Variants in GAPVD1 observed in about 807,000 individuals in gnomAD.
The protein encoded by GAPVD1 is GTPase activating protein and VPS9 domains 1, also known as GTPase-activating protein and VPS9 domain-containing protein 1.
A neutral mutation model predicts 155.5 loss-of-function variants in GAPVD1; 35 were observed. That is an observed-to-expected ratio of 0.23 (90% CI 0.17 to 0.30). GAPVD1 has a LOEUF of 0.30. GAPVD1 is among the 10% of genes least tolerant of loss of function. GAPVD1 has a pLI of 1.00. For synonymous variants in GAPVD1, 636 were observed against 619.7 expected, an observed-to-expected ratio of 1.03 and a Z score of -0.39; for missense variants, 1,429 against 1,775.7, an observed-to-expected ratio of 0.80 and a Z score of 3.51.
intron 15 of GAPVD1, among the ~76,000 whole-genome samples, chr9:125,335,657 CAG>C (rs983179564): frequency 5.3e-5 from 8 of 152,008 alleles, no homozygotes; most frequent in Non-Finnish European, 8.8e-5. Context: ...ACCCTGGTGA[CAG>C]AGTGAGACTC....
chr9:125,357,264 T>C (rs762961553), intron 25 of GAPVD1, among the ~76,000 whole-genome samples: 2 of 152,188 alleles, frequency 1.3e-5, no homozygotes, highest in Non-Finnish European at 2.9e-5. Flanking sequence ...TTCTAATATA[T>C]GCTCATTATA....
chr9:125,334,556 CTG>C (rs1220636416), intron 15 of GAPVD1, among the ~76,000 whole-genome samples: 1 of 152,112 alleles, frequency 6.6e-6, no homozygotes, highest in East Asian at 1.9e-4. Flanking sequence ...GACAGATAAA[CTG>C]TATTTCTTAT....
At chr9:125,296,905 C>T (rs1368440237) in intron 3 of GAPVD1, among the ~76,000 whole-genome samples, 3 of 148,526 alleles carry the variant, frequency 2.0e-5, no homozygotes, top group African/African-American at 5.0e-5. Context: ...AGTGAGCCAC[C>T]TGCCTTGGCC....
chr9:125,313,143 C>G (rs1357077593), intron 9 of GAPVD1, among the ~76,000 whole-genome samples: 1 of 151,654 alleles, frequency 6.6e-6, no homozygotes, highest in African/African-American at 2.4e-5. Context: ...TATAAGGGCA[C>G]TTATTCCATT....
intron 9 of GAPVD1, among the ~76,000 whole-genome samples, chr9:125,320,983 T>C (rs1393773835): frequency 6.6e-6 from 1 of 152,220 alleles, no homozygotes; most frequent in African/African-American, 2.4e-5. Flanking sequence ...ACAACTGTTT[T>C]ATGTGCATCT....
intron 2 of GAPVD1, among the ~76,000 whole-genome samples, chr9:125,279,028 A>G (rs973921023): frequency 1.3e-5 from 2 of 150,930 alleles, no homozygotes; most frequent in Admixed American, 6.6e-5. Flanking sequence ...CCTGGCCAAT[A>G]TGGTGAAACC....
At chr9:125,307,322 T>A in intron 6 of GAPVD1, 91 bp from the exon 7 acceptor site, 1 of 932,328 alleles carries the variant, frequency 1.1e-6, no homozygotes, top group Non-Finnish European at 1.6e-6. Context: ...TTAAGATGTT[T>A]AAATTTTTTC....
intron 2 of GAPVD1, among the ~76,000 whole-genome samples, chr9:125,283,953 G>A (rs1837216663): frequency 6.6e-6 from 1 of 151,140 alleles, no homozygotes; most frequent in Non-Finnish European, 1.5e-5. Context: ...GCTCACTGCA[G>A]CCTCTGCCTC....
intron 6 of GAPVD1, among the ~76,000 whole-genome samples, chr9:125,305,518 C>A (rs565666713): frequency 6.6e-6 from 1 of 152,156 alleles, no homozygotes; most frequent in Admixed American, 6.5e-5. Flanking sequence ...TCACAGGTGC[C>A]TGCCACTACA....
chr9:125,348,044 T>C (rs778166101), intron 20 of GAPVD1, among the ~76,000 whole-genome samples: 1 of 152,110 alleles, frequency 6.6e-6, no homozygotes, highest in Non-Finnish European at 1.5e-5. Flanking sequence ...TATATATATA[T>C]GTTTTGTTTT....
At chr9:125,300,194 T>A (rs942122924) in intron 4 of GAPVD1, among the ~76,000 whole-genome samples, 8 of 146,120 alleles carry the variant, frequency 5.5e-5, no homozygotes, top group East Asian at 2.0e-4. Flanking sequence ...ATTTTTTTTT[T>A]TTTTTGAGTT....
At position 125,337,209 on chromosome 9, in the gene GAPVD1, C is replaced by T; in HGVS notation, c.2507-12C>T. Reference sequence around the variant, plus strand: ...GTGTCTCAGTTACAAAACTTTTTTTCCTGTGTTGCAGGGGCTTCTGCTGTG... The same window carrying T: ...GTGTCTCAGTTACAAAACTTTTTTTTCTGTGTTGCAGGGGCTTCTGCTGTG... On this transcript the variant is annotated splice_polypyrimidine_tract_variant and intron_variant, in intron 16 of 27. Coordinates refer to ENST00000297933, the MANE Select transcript of GAPVD1 (RefSeq NM_001282680.3). The T allele has an allele frequency of 1.2e-6, 2 of 1,610,888 alleles. No homozygotes were observed. Among genetic ancestry groups the T allele is most frequent in the East Asian group, 2.2e-5 (1 of 44,860 alleles).
intron 3 of GAPVD1, among the ~76,000 whole-genome samples, chr9:125,297,064 G>C (rs552571354): frequency 6.6e-6 from 1 of 152,306 alleles, no homozygotes; most frequent in East Asian, 1.9e-4. Flanking sequence ...TAACATTTGT[G>C]ATCTGGCACA....
At chr9:125,352,486 G>A (rs1849446947) in intron 23 of GAPVD1, among the ~76,000 whole-genome samples, 1 of 152,230 alleles carries the variant, frequency 6.6e-6, no homozygotes, top group South Asian at 2.1e-4. Context: ...TGAGCTCTGT[G>A]TTGGCCCCTT....
chr9:125,355,900 G>C, intron 25 of GAPVD1, 43 bp downstream of exon 25: 3 of 1,054,632 alleles, frequency 2.8e-6, no homozygotes, highest in Non-Finnish European at 4.5e-6. Context: ...ACTACATAGG[G>C]ATCTACCAGG....
At chr9:125,328,742 G>A (rs904920133) in intron 12 of GAPVD1, among the ~76,000 whole-genome samples, 2 of 151,630 alleles carry the variant, frequency 1.3e-5, no homozygotes, top group African/African-American at 2.4e-5. Context: ...GGTGGTGGCC[G>A]GGCAGAGGGG....
chr9:125,305,793 A>G (rs942539892), intron 6 of GAPVD1, among the ~76,000 whole-genome samples: 1 of 151,894 alleles, frequency 6.6e-6, no homozygotes, highest in African/African-American at 2.4e-5. Flanking sequence ...TACCTGGGCT[A>G]TAGGGGCACA....
chr9:125,297,202 A>G (rs1229967712), intron 3 of GAPVD1, among the ~76,000 whole-genome samples: 2 of 152,210 alleles, frequency 1.3e-5, no homozygotes, highest in Non-Finnish European at 2.9e-5. Context: ...GCAAATATTT[A>G]TTCAACTCCT....
intron 15 of GAPVD1, chr9:125,335,342 T>G (rs566177950): frequency 1.6e-4 from 86 of 525,318 alleles, no homozygotes; most frequent in African/African-American, 1.4e-3. Flanking sequence ...TTATTTATTT[T>G]TAATGCTTTT....
Sources: gnomAD v4.1 joint callset for allele counts (sites outside exome capture counted in the v4.1 genomes callset) on GRCh38, gnomAD v4.1.1 for gene constraint, MANE v1.5 for transcripts, NCBI Gene and HGNC (gene_info 2026-07-23, HGNC 2026-07-21) for gene names.